The following TLR6 variants were observed in gnomAD, a reference collection of about 807,000 sequenced individuals.
The protein encoded by TLR6 is toll like receptor 6, also known as toll-like receptor 6.
Under a neutral mutation model 16.1 loss-of-function variants are expected in TLR6, and 9 were observed. That is an observed-to-expected ratio of 0.56 (90% CI 0.34 to 0.98). TLR6 has a LOEUF of 0.98. Ranked by LOEUF, TLR6 falls within the 50% of genes least tolerant of loss-of-function variation. The probability of loss-of-function intolerance (pLI) is 0.02; values close to 1 mark genes in which losing one functional copy is unlikely to be tolerated. For missense variants in TLR6, 786 were observed against 921.0 expected (o/e 0.85, Z 1.90); for synonymous variants, 340 against 338.6 (o/e 1.00, Z -0.04).
chr4:38,863,398 G>A, the TLR6 span, among the ~76,000 whole-genome samples: 1 of 151,892 alleles, frequency 6.6e-6, no homozygotes, highest in Non-Finnish European at 1.5e-5. Context: ...TCTCATCCTG[G>A]TCCTTCAAAC....
rs377346005 is a variant in TLR6, at chr4:38,844,973, C to T, written c.-65+11788G>A. Among the ~76,000 whole-genome samples, 27 of 152,202 alleles carry T rather than the reference C, an allele frequency of 1.8e-4. No individual in the cohort carries two copies. The East Asian group carries it at 4.4e-3, about 25-fold the overall frequency. On this transcript the variant is annotated intron_variant, in intron 1 of 1. Transcript: ENST00000436693. The stretch of plus-strand genomic sequence containing the variant: ...ACTTTGGGGGCTGAGGCAAGAGAAT[C>T]GTTCGAACCTGGGAGGCGGAGGTTG...
the TLR6 span, among the ~76,000 whole-genome samples, chr4:38,864,355 A>C: frequency 6.6e-6 from 1 of 152,232 alleles, no homozygotes; most frequent in Non-Finnish European, 1.5e-5. Flanking sequence ...TATGTTGAAT[A>C]AATGGTTGAC....
At chr4:38,839,546 T>C (rs1347512830) in intron 1 of TLR6, among the ~76,000 whole-genome samples, 1 of 152,226 alleles carries the variant, frequency 6.6e-6, no homozygotes, top group Non-Finnish European at 1.5e-5. Flanking sequence ...CAGTAGTTTA[T>C]ACCAGTATCC....
intron 1 of TLR6, among the ~76,000 whole-genome samples, chr4:38,838,883 G>A (rs565948060): frequency 7.9e-6 from 1 of 126,534 alleles, no homozygotes; most frequent in South Asian, 2.9e-4. Flanking sequence ...GGGAAGGAAA[G>A]AAGAAAGAAA....
At chr4:38,842,734 C>T (rs1712338170) in intron 1 of TLR6, among the ~76,000 whole-genome samples, 1 of 152,206 alleles carries the variant, frequency 6.6e-6, no homozygotes, top group Admixed American at 6.5e-5. Flanking sequence ...GTCCTCATGA[C>T]CTAATCACCT....
chr4:38,859,607 C>T (rs1713153458), upstream of TLR6, among the ~76,000 whole-genome samples: 1 of 138,956 alleles, frequency 7.2e-6, no homozygotes, highest in East Asian at 2.0e-4. Flanking sequence ...CTCTGTTGCC[C>T]AGGGTGGAGT....
chr4:38,846,289 T>C (rs1163223514), intron 1 of TLR6, among the ~76,000 whole-genome samples: 1 of 151,894 alleles, frequency 6.6e-6, no homozygotes, highest in African/African-American at 2.4e-5. Context: ...ATGAAAGAAG[T>C]TAATACTCAA....
rs376404910 is a variant in TLR6, at chr4:38,831,943, T to A, written c.-64-2406A>T. On this transcript the variant is annotated intron_variant, in intron 1 of 1. Coordinates refer to ENST00000436693, the Ensembl canonical transcript of TLR6. Reference sequence around the variant, plus strand: ...GGTGCAGCCACTATGGAATGCAGTTTCTTATAAAACTAAGCATAGTCTTAT... The same window carrying A: ...GGTGCAGCCACTATGGAATGCAGTTACTTATAAAACTAAGCATAGTCTTAT... Among the ~76,000 whole-genome samples the A allele has an allele frequency of 1.8e-3, 272 of 152,352 alleles. 1 individual carries two copies. The highest frequency in any genetic ancestry group is 6.1e-3 in the African/African-American group (252 of 41,574).
At chr4:38,858,792 GGAGAGAGAGA>G (rs56086259), upstream of TLR6, among the ~76,000 whole-genome samples, 3 of 18,112 alleles carry the variant, frequency 1.7e-4, no homozygotes, top group Non-Finnish European at 3.1e-4. Flanking sequence ...AGAGAGAGAG[GGAGAGAGAGA>G]GAGAGAGAGA....
At chr4:38,860,535 T>TTAAAAA (rs1553860174), upstream of TLR6, among the ~76,000 whole-genome samples, 2 of 133,522 alleles carry the variant, frequency 1.5e-5, no homozygotes, top group African/African-American at 2.7e-5. Flanking sequence ...TCTGCTGAAT[T>TTAAAAA]AAAAAAAAAA....
upstream of TLR6, among the ~76,000 whole-genome samples, chr4:38,857,833 T>TG (rs1169412345): frequency 4.3e-4 from 65 of 151,914 alleles, no homozygotes; most frequent in African/African-American, 1.5e-3. Context: ...CAGTAAGGAG[T>TG]GGATGGATCT....
At chr4:38,852,933 C>T (rs1179322860) in intron 1 of TLR6, among the ~76,000 whole-genome samples, 3 of 152,076 alleles carry the variant, frequency 2.0e-5, no homozygotes, top group Non-Finnish European at 4.4e-5. Flanking sequence ...CATGCACACA[C>T]ATGTTTATTG....
chr4:38,857,666 C>A (rs182849692), upstream of TLR6, among the ~76,000 whole-genome samples: 955 of 135,566 alleles, frequency 7.0e-3, 13 homozygotes, highest in African/African-American at 0.029. Context: ...AAAAAAAAAA[C>A]AACAACAAGT....
intron 1 of TLR6, among the ~76,000 whole-genome samples, chr4:38,835,161 T>G (rs1322488633): frequency 6.6e-6 from 1 of 152,176 alleles, no homozygotes; most frequent in African/African-American, 2.4e-5. Context: ...CTTCCTCACT[T>G]AAAAGATACA....
In TLR6 at chr4:38,826,403, T is replaced by A. The variant is rs554451466; in HGVS notation, c.*680A>T. On this transcript the variant is annotated 3_prime_UTR_variant, in exon 2 of 2. Coordinates refer to ENST00000436693, the Ensembl canonical transcript of TLR6. ...CAGAATTCTAAGACAACCAGAAAAG[T>A]CCCATTCAATATCCAGCTGCAAATA... is the stretch of plus-strand genomic sequence containing the variant. The A allele has an allele frequency of 4.6e-5, 7 of 152,232 alleles. No individual in the cohort carries two copies. The South Asian group carries it at 1.5e-3, about 32-fold the overall frequency. The allele number at this position is 152,232 out of a possible 1,614,324, so 9.4% of individuals were successfully genotyped here.
At chr4:38,827,710 G>A (rs752490723) in exon 2 of TLR6, 7 of 1,614,090 alleles carry the variant, frequency 4.3e-6, no homozygotes, top group East Asian at 2.2e-5. Context: ...CGATGGTGAC[G>A]ATCAGCAGAG....
chr4:38,857,985 A>G (rs539301768), upstream of TLR6, among the ~76,000 whole-genome samples: 12 of 152,354 alleles, frequency 7.9e-5, no homozygotes, highest in Admixed American at 7.2e-4. Context: ...AAGTCTTAAG[A>G]AAACAGACAA....
At position 38,827,387 on chromosome 4, in the gene TLR6, T is replaced by C. The variant is rs749057079; in HGVS notation, c.2087A>G (p.Tyr696Cys). 11 of 1,614,226 alleles carry C rather than the reference T, an allele frequency of 6.8e-6. No individual in the cohort carries two copies. In the South Asian group the frequency reaches 1.1e-4, roughly 16 times the overall value. ...GGGAGACAAAACAAAGATGGACTTG[T>C]AACTCTTCTCAATGCAGTTGATGAT... Residue 696 changes from tyrosine to cysteine, a missense_variant, in exon 2 of 2, where the codon TAC becomes TGC. By Grantham distance (194) the Tyr-to-Cys change is radical. Transcript: ENST00000436693.
In TLR6 at chr4:38,828,368, A is replaced by G. The variant is rs762458317; in HGVS notation, c.1106T>C (p.Ile369Thr). ...AACTAACGTGGAACATTTTTCAAAAATACTATCTGTGAAAACGTTCTGGGT... is the reference window on the plus strand; with the variant it reads ...AACTAACGTGGAACATTTTTCAAAAGTACTATCTGTGAAAACGTTCTGGGT... Residue 369 changes from isoleucine (I) to threonine (T), a missense_variant, in exon 2 of 2, where the codon ATT becomes ACT. By Grantham distance (89) the Ile-to-Thr change is moderately conservative. Transcript: ENST00000436693. 1.5e-5 allele frequency: 24 copies of G among 1,613,036 alleles called. 1 individual carries two copies. The highest frequency in any genetic ancestry group is 1.6e-4 in the Middle Eastern group (1 of 6,080).
Sources: allele counts gnomAD v4.1 joint callset (sites outside exome capture counted in the v4.1 genomes callset), GRCh38; gene constraint gnomAD v4.1.1; transcripts MANE v1.5; gene names NCBI Gene and HGNC (gene_info 2026-07-23, HGNC 2026-07-21).